AP3S2: variants seen among roughly 807,000 people sequenced by gnomAD.
AP3S2 encodes adaptor related protein complex 3 subunit sigma 2, also known as AP-3 complex subunit sigma-2.
AP3S2 carries 22 observed loss-of-function variants against 23.4 expected under a neutral mutation model. That is an observed-to-expected ratio of 0.94 (90% CI 0.67 to 1.34). The LOEUF (loss-of-function observed/expected upper bound fraction) is 1.34. AP3S2 is among the 40% of genes most tolerant of loss of function. AP3S2 has a pLI of 0.00. For synonymous variants in AP3S2, 86 were observed against 87.1 expected, an observed-to-expected ratio of 0.99 and a Z score of 0.07; for missense variants, 241 against 236.9, an observed-to-expected ratio of 1.02 and a Z score of -0.11.
In AP3S2 at chr15:89,832,382, T is replaced by C. The variant is rs1309787644; in HGVS notation, c.*3133A>G. 6.6e-6 allele frequency: 1 copy of C among 151,818 alleles called. No individual in the cohort carries two copies. The highest frequency in any genetic ancestry group is 1.9e-4 in the East Asian group (1 of 5,174). 9.4% of individuals were successfully genotyped at this position (151,818 alleles called of 1,614,324 possible). A position where few individuals can be genotyped will look rare whatever the true frequency, so the allele number is the denominator to read the frequency against. On this transcript the variant is annotated 3_prime_UTR_variant, in exon 6 of 6. Transcript: ENST00000336418. ...TCACTTGACCCCGGGGCTTCGAGGC[T>C]GCAGTGAGCCATGATCACACCACTG...
chr15:89,882,042 G>A (rs1210056533), intron 3 of AP3S2, among the ~76,000 whole-genome samples: 1 of 152,002 alleles, frequency 6.6e-6, no homozygotes. Context: ...GGCTGGTCTT[G>A]AACTCCTGAC....
In AP3S2 at chr15:89,837,707, G is replaced by A. The variant is rs761838736; in HGVS notation, c.361C>T (p.Gln121Ter). 1.5e-5 allele frequency: 24 copies of A among 1,614,102 alleles called. No homozygotes were observed. The Admixed American group carries it at 2.7e-4, about 18-fold the overall frequency. ...ACCATCCCACCCATCACCACCTCCT[G>A]GAGGATGTAGTGCACCTAAAAGGGA... is the stretch of plus-strand genomic sequence containing the variant. ...FHMDKVHYIL[Q>*]EVVMGGMVLE... The change falls in exon 5 of 6, where the codon CAG becomes TAG. Residue 121 changes from glutamine to a stop codon, truncating the protein, a stop_gained. Transcript: ENST00000336418. LOFTEE classifies it high-confidence loss of function.
At chr15:89,887,236 G>A (rs1458054696) in intron 3 of AP3S2, among the ~76,000 whole-genome samples, 7 of 152,192 alleles carry the variant, frequency 4.6e-5, no homozygotes, top group Non-Finnish European at 7.4e-5. Context: ...TGAATACGAC[G>A]TATGAAATTT....
chr15:89,871,367 G>A, intron 4 of AP3S2, 108 bp downstream of exon 4: 8 of 1,026,144 alleles, frequency 7.8e-6, no homozygotes, highest in Non-Finnish European at 1.1e-5. Context: ...TATCTTAAGA[G>A]TAAAAAAAAA....
At chr15:89,885,715 G>GCGGATCAC (rs1896682200) in intron 3 of AP3S2, among the ~76,000 whole-genome samples, 3 of 152,022 alleles carry the variant, frequency 2.0e-5, no homozygotes, top group African/African-American at 7.2e-5. Context: ...GCCAAAGTGG[G>GCGGATCAC]AAGACTGCCT....
intron 3 of AP3S2, among the ~76,000 whole-genome samples, chr15:89,878,877 G>T (rs1306129420): frequency 6.6e-6 from 1 of 152,212 alleles, no homozygotes; most frequent in Admixed American, 6.5e-5. Flanking sequence ...CTCCTGAGCA[G>T]CTGGGATTAC....
intron 4 of AP3S2, chr15:89,865,663 T>C (rs1395500857): frequency 3.3e-5 from 5 of 152,226 alleles, no homozygotes; most frequent in Non-Finnish European, 7.3e-5. Flanking sequence ...TTCTTCCTTC[T>C]AGAGGCCTCA....
intron 4 of AP3S2, 87 bp downstream of exon 4, chr15:89,871,388 T>C: frequency 5.8e-6 from 7 of 1,214,116 alleles, no homozygotes; most frequent in Non-Finnish European, 4.6e-6. Flanking sequence ...CAAGAAACAA[T>C]ATGAAGATGT....
At chr15:89,892,826 G>A (rs1209802380) in intron 1 of AP3S2, among the ~76,000 whole-genome samples, 2 of 152,154 alleles carry the variant, frequency 1.3e-5, no homozygotes, top group Admixed American at 1.3e-4. Flanking sequence ...CACCGCGCTT[G>A]GCTAATTTTT....
chr15:89,869,582 A>AG lies in AP3S2; in HGVS notation c.345+1892_345+1893insC, dbSNP rs201890341. On this transcript the variant is annotated intron_variant, in intron 4 of 5. Coordinates refer to ENST00000336418, the MANE Select transcript of AP3S2 (RefSeq NM_005829.5). The stretch of plus-strand genomic sequence containing the variant: ...GAATTATCAATAAAAAAAAAAAAAA[A>AG]AAAAGAAAACTCCCCCTTTCCTAGT... Among the ~76,000 whole-genome samples, 1,086 of 151,062 alleles carry AG rather than the reference A, an allele frequency of 7.2e-3. 7 individuals carry two copies. The highest frequency in any genetic ancestry group is 0.012 in the Non-Finnish European group (797 of 67,760).
chr15:89,883,790 A>C (rs1896628664), intron 3 of AP3S2: 1 of 152,234 alleles, frequency 6.6e-6, no homozygotes, highest in South Asian at 2.1e-4. Context: ...CTTCAAGGAA[A>C]GTAAACTAGG....
chr15:89,842,989 T>C (rs1895368306), intron 4 of AP3S2, among the ~76,000 whole-genome samples: 1 of 151,780 alleles, frequency 6.6e-6, no homozygotes, highest in Non-Finnish European at 1.5e-5. Context: ...TATTTCTTTT[T>C]TTCTTTTTTT....
intron 4 of AP3S2, among the ~76,000 whole-genome samples, chr15:89,867,893 C>A (rs1421786266): frequency 1.5e-5 from 2 of 130,478 alleles, no homozygotes; most frequent in South Asian, 2.7e-4. Context: ...CGGCTCCGCC[C>A]GGCAGCCACC....
At chr15:89,846,092 G>A (rs1467454544) in intron 4 of AP3S2, among the ~76,000 whole-genome samples, 1 of 152,166 alleles carries the variant, frequency 6.6e-6, no homozygotes, top group African/African-American at 2.4e-5. Flanking sequence ...TGCTTCGGGT[G>A]ATAAATCTGA....
chr15:89,872,429 A>G (rs1405584939), intron 3 of AP3S2, among the ~76,000 whole-genome samples: 1 of 152,238 alleles, frequency 6.6e-6, no homozygotes, highest in Admixed American at 6.5e-5. Context: ...AACTTTTAAT[A>G]AAACATAACA....
chr15:89,879,534 T>C (rs1341405260), intron 3 of AP3S2, among the ~76,000 whole-genome samples: 1 of 152,206 alleles, frequency 6.6e-6, no homozygotes, highest in Non-Finnish European at 1.5e-5. Flanking sequence ...AAACTGCATG[T>C]GGAAAAAGCT....
intron 4 of AP3S2, among the ~76,000 whole-genome samples, chr15:89,843,946 T>C (rs1895397691): frequency 1.3e-5 from 2 of 152,212 alleles, no homozygotes; most frequent in Non-Finnish European, 2.9e-5. Flanking sequence ...GCTTTGATGA[T>C]GTATAAAACT....
intron 4 of AP3S2, among the ~76,000 whole-genome samples, chr15:89,858,469 A>C (rs1225416716): frequency 3.6e-5 from 1 of 27,860 alleles, no homozygotes; most frequent in African/African-American, 1.5e-4. Flanking sequence ...GAAAGAAAGA[A>C]AGAAAGAAAG....
chr15:89,889,095 C>CT lies in AP3S2; in HGVS notation c.114dup (p.Val39SerfsTer6). The CT allele has an allele frequency of 1.2e-6, 2 of 1,614,166 alleles. No homozygotes were observed. Among genetic ancestry groups the CT allele is most frequent in the Non-Finnish European group, 1.7e-6 (2 of 1,180,028 alleles). ...CAGATGTTGTCATCCCGCTTGAGGA[C>CT]TAGATGGAAAGTCTCTCGAACAATC... On this transcript the variant is annotated frameshift_variant, in exon 2 of 6. Coordinates refer to ENST00000336418, the MANE Select transcript of AP3S2 (RefSeq NM_005829.5). LOFTEE classifies it high-confidence loss of function.
Sources: gnomAD v4.1 joint callset for allele counts (sites outside exome capture counted in the v4.1 genomes callset) on GRCh38, gnomAD v4.1.1 for gene constraint, MANE v1.5 for transcripts, NCBI Gene and HGNC (gene_info 2026-07-23, HGNC 2026-07-21) for gene names.